RNF150: variants seen among roughly 807,000 people sequenced by gnomAD.
RNF150 encodes the protein ring finger protein 150.
In RNF150, 24 loss-of-function variants were observed where a neutral mutation model predicts 39.3. The ratio of observed to expected loss-of-function variants is 0.61; its 90% confidence interval spans 0.44 to 0.86. The LOEUF is 0.86. Ranked by LOEUF, RNF150 falls within the 40% of genes least tolerant of loss-of-function variation. The pLI, the probability that RNF150 is intolerant of heterozygous loss-of-function variation, is 0.00. For synonymous variants in RNF150, 255 were observed against 227.3 expected, an observed-to-expected ratio of 1.12 and a Z score of -1.10; for missense variants, 502 against 587.8, an observed-to-expected ratio of 0.85 and a Z score of 1.51.
At chr4:140,954,494 C>T (rs1198580688) in intron 2 of RNF150, among the ~76,000 whole-genome samples, 1 of 152,136 alleles carries the variant, frequency 6.6e-6, no homozygotes, top group African/African-American at 2.4e-5. Flanking sequence ...GCATGAGCTA[C>T]CCGTGCCTGG....
intron 1 of RNF150, among the ~76,000 whole-genome samples, chr4:141,096,409 G>A (rs1237062557): frequency 6.6e-6 from 1 of 151,804 alleles, no homozygotes; most frequent in Non-Finnish European, 1.5e-5. Flanking sequence ...TGTTGGCCAG[G>A]CTGGTCTCGA....
At chr4:140,975,993 C>T (rs1733651000) in intron 1 of RNF150, among the ~76,000 whole-genome samples, 1 of 152,134 alleles carries the variant, frequency 6.6e-6, no homozygotes, top group Non-Finnish European at 1.5e-5. Flanking sequence ...AAATTTAAGC[C>T]TCTAGTTAAC....
intron 4 of RNF150, among the ~76,000 whole-genome samples, chr4:140,933,571 T>A (rs112673099): frequency 3.9e-5 from 6 of 152,324 alleles, no homozygotes; most frequent in African/African-American, 1.4e-4. Context: ...ATACTCAACC[T>A]GTATTATGAT....
intron 5 of RNF150, among the ~76,000 whole-genome samples, chr4:140,912,722 G>A (rs2111278480): frequency 6.6e-6 from 1 of 152,174 alleles, no homozygotes; most frequent in East Asian, 1.9e-4. Context: ...TTTCTTTCCT[G>A]TATTCTTTCT....
chr4:141,047,754 T>C (rs2110879713), intron 1 of RNF150, among the ~76,000 whole-genome samples: 1 of 152,276 alleles, frequency 6.6e-6, no homozygotes, highest in Admixed American at 6.5e-5. Context: ...ACCTCATCTA[T>C]GAGGTACACT....
rs1224357720 is a variant in RNF150 at position 140,885,521 on chromosome 4, C to T, written c.1199-17142G>A. Among the ~76,000 whole-genome samples, 5 of 149,832 alleles carry T rather than the reference C, an allele frequency of 3.3e-5. No homozygotes were observed. In the South Asian group the frequency reaches 6.3e-4, roughly 19 times the overall value. On this transcript the variant is annotated intron_variant, in intron 6 of 6. Coordinates refer to ENST00000515673, the MANE Select transcript of RNF150 (RefSeq NM_020724.2). ...GTGCGATCTCGGCTCACTGCAACCA[C>T]TGCCTCCCGGGTTCAAGCGATTTTC...
At chr4:141,130,983 C>A (rs981431411) in intron 1 of RNF150, among the ~76,000 whole-genome samples, 1 of 152,180 alleles carries the variant, frequency 6.6e-6, no homozygotes, top group East Asian at 1.9e-4. Context: ...AATTAACACA[C>A]TACATTTTTC....
chr4:141,044,769 G>GTGCA (rs1553940740), intron 1 of RNF150, among the ~76,000 whole-genome samples: 18 of 77,458 alleles, frequency 2.3e-4, no homozygotes, highest in Non-Finnish European at 5.2e-4. Flanking sequence ...CGGGTGTGCA[G>GTGCA]CGCACACACA....
At chr4:140,943,353 G>A (rs1236978505) in intron 4 of RNF150, among the ~76,000 whole-genome samples, 1 of 152,130 alleles carries the variant, frequency 6.6e-6, no homozygotes. Context: ...TGCAAAATAA[G>A]CATAAGAAAT....
intron 2 of RNF150, among the ~76,000 whole-genome samples, chr4:140,958,998 T>G (rs982912408): frequency 2.0e-5 from 3 of 152,002 alleles, no homozygotes; most frequent in Admixed American, 2.0e-4. Context: ...AGGTGAAGAG[T>G]CTGATATAAA....
intron 1 of RNF150, among the ~76,000 whole-genome samples, chr4:141,040,064 A>G (rs1445369175): frequency 6.6e-6 from 1 of 152,072 alleles, no homozygotes; most frequent in Non-Finnish European, 1.5e-5. Flanking sequence ...TTCCTTATGC[A>G]CAAGCTGGAA....
chr4:141,088,188 G>T (rs926726339), intron 1 of RNF150, among the ~76,000 whole-genome samples: 1 of 152,116 alleles, frequency 6.6e-6, no homozygotes, highest in Non-Finnish European at 1.5e-5. Context: ...TGTCCATAAC[G>T]TGCCTACCAC....
chr4:141,184,991 T>A (rs530057619), intron 1 of RNF150, among the ~76,000 whole-genome samples: 192 of 139,720 alleles, frequency 1.4e-3, no homozygotes, highest in African/African-American at 4.5e-3. Flanking sequence ...TTGCTTCAGA[T>A]TGTCTTGGCT....
intron 1 of RNF150, among the ~76,000 whole-genome samples, chr4:141,066,145 T>C (rs1443088963): frequency 6.6e-6 from 1 of 152,036 alleles, no homozygotes; most frequent in Non-Finnish European, 1.5e-5. Flanking sequence ...CCTCCCACTG[T>C]TAAATTCTTT....
chr4:141,094,792 A>AT lies in RNF150; in HGVS notation c.484+37532dup, dbSNP rs1208454343. 3.9e-5 allele frequency among the ~76,000 whole-genome samples: 6 copies of AT among 152,352 alleles called. No individual in the cohort carries two copies. The East Asian group carries it at 1.2e-3, about 29-fold the overall frequency. On this transcript the variant is annotated intron_variant, in intron 1 of 6. Coordinates refer to ENST00000515673, the MANE Select transcript of RNF150 (RefSeq NM_020724.2). The stretch of plus-strand genomic sequence containing the variant: ...TCAAAAAGATGCAAAATAACACCAA[A>AT]TGGTCTGAGATACAAGAAGTCATCA...
intron 1 of RNF150, among the ~76,000 whole-genome samples, chr4:141,125,821 C>G (rs576882442): frequency 7.0e-4 from 106 of 152,138 alleles, no homozygotes; most frequent in Non-Finnish European, 1.4e-3. Flanking sequence ...TAAGACACAG[C>G]CACTAGGAGA....
intron 1 of RNF150, among the ~76,000 whole-genome samples, chr4:140,992,554 G>A (rs1372607055): frequency 6.6e-6 from 1 of 152,108 alleles, no homozygotes; most frequent in African/African-American, 2.4e-5. Flanking sequence ...CGGGAGAGAG[G>A]AGAGGCACTA....
In RNF150 at chr4:141,183,850, T is replaced by G. The variant is rs576589890; in HGVS notation, c.-6+28944A>C. Among the ~76,000 whole-genome samples the G allele has an allele frequency of 2.0e-5, 3 of 152,340 alleles. No individual in the cohort carries two copies. The South Asian group carries it at 6.2e-4, about 32-fold the overall frequency. ...AAGGACATGAACTCATTCATTTTTA[T>G]ACCGGCAGAGTATTCCATGGTGTAT... On this transcript the variant is annotated intron_variant, in intron 1 of 7. Transcript: ENST00000420921.
intron 1 of RNF150, among the ~76,000 whole-genome samples, chr4:140,994,956 A>G (rs1446333089): frequency 1.3e-5 from 2 of 152,204 alleles, no homozygotes; most frequent in South Asian, 2.1e-4. Flanking sequence ...GGTATTTATA[A>G]CTTCAGCATT....
Sources: gnomAD v4.1 joint callset for allele counts (sites outside exome capture counted in the v4.1 genomes callset) on GRCh38, gnomAD v4.1.1 for gene constraint, MANE v1.5 for transcripts, NCBI Gene and HGNC (gene_info 2026-07-23, HGNC 2026-07-21) for gene names.